Variants in TDRD9 observed in about 807,000 individuals in gnomAD.
The protein encoded by TDRD9 is ATP-dependent RNA helicase TDRD9.
Under a neutral mutation model 172.6 loss-of-function variants are expected in TDRD9, and 124 were observed. The observed-to-expected ratio is 0.72, with a 90% CI of 0.62 to 0.83. The LOEUF is 0.83. Ranked by LOEUF, TDRD9 falls within the 40% of genes least tolerant of loss-of-function variation. TDRD9 has a pLI of 0.00. For missense variants in TDRD9, 1,479 were observed against 1,714.1 expected (o/e 0.86, Z 2.42); for synonymous variants, 619 against 617.1 (o/e 1.00, Z -0.05).
intron 13 of TDRD9, among the ~76,000 whole-genome samples, chr14:104,001,060 T>C (rs1370260130): frequency 6.6e-6 from 1 of 152,240 alleles, no homozygotes; most frequent in African/African-American, 2.4e-5. Flanking sequence ...AGTGTAACAC[T>C]GTTAGACTAT....
intron 7 of TDRD9, among the ~76,000 whole-genome samples, chr14:103,982,520 G>A (rs1465284005): frequency 2.0e-5 from 3 of 152,154 alleles, no homozygotes; most frequent in African/African-American, 4.8e-5. Context: ...GTTCTGTGGT[G>A]GCATCCTGGT....
chr14:103,962,969 T>TGA, intron 2 of TDRD9, 110 bp from the exon 3 acceptor site: 1 of 576,474 alleles, frequency 1.7e-6, no homozygotes, highest in Non-Finnish European at 3.0e-6. Flanking sequence ...TATTTGAGTG[T>TGA]GTGTGTGTGT....
intron 2 of TDRD9, among the ~76,000 whole-genome samples, chr14:103,958,280 A>G (rs1288425936): frequency 6.6e-6 from 1 of 152,144 alleles, no homozygotes; most frequent in African/African-American, 2.4e-5. Context: ...AGTGGACCTT[A>G]CTGAGGCAGT....
Position 103,928,522 on chromosome 14 carries a change from CTCACCATCGAGCAGATCAACGACTGGT to C in TDRD9, c.23_49del (p.Glu8_Ile16del), listed in dbSNP as rs1451820718. On this transcript the variant is annotated inframe_deletion, in exon 1 of 36. Transcript: ENST00000409874. ...CTGGGCCTTGAGGATGCTGCGGAAG[CTCACCATCGAGCAGATCAACGACTGGT>C]TCACCATCGGCAAGACGGTGACCAA... 1.6e-5 allele frequency: 23 copies of C among 1,423,688 alleles called. No individual in the cohort carries two copies. Among genetic ancestry groups the C allele is most frequent in the Admixed American group, 2.8e-5 (1 of 36,218 alleles). 88.2% of individuals were successfully genotyped at this position (1,423,688 alleles called of 1,614,324 possible).
chr14:103,998,614 T>TA lies in TDRD9; in HGVS notation c.1379-7dup. On this transcript the variant is annotated splice_polypyrimidine_tract_variant and intron_variant, in intron 12 of 35. Transcript: ENST00000409874. ...GCATGGTGTTTACAGTCCTTTTTTT[T>TA]AAATGGCAGTTATAGATTTTTGTTT... 1.4e-6 allele frequency: 2 copies of TA among 1,476,806 alleles called. No homozygotes were observed. The highest frequency in any genetic ancestry group is 1.9e-6 in the Non-Finnish European group (2 of 1,056,646). The allele number at this position is 1,476,806 out of a possible 1,614,324, so 91.5% of individuals were successfully genotyped here. A position where few individuals can be genotyped will look rare whatever the true frequency, so the allele number is the denominator to read the frequency against.
At chr14:104,047,580 C>T (rs2035816668) in intron 34 of TDRD9, among the ~76,000 whole-genome samples, 1 of 152,148 alleles carries the variant, frequency 6.6e-6, no homozygotes, top group Non-Finnish European at 1.5e-5. Flanking sequence ...CTGCCTCGTG[C>T]CCGCTCTCTT....
intron 6 of TDRD9, among the ~76,000 whole-genome samples, chr14:103,971,548 CTTGCT>C: frequency 2.0e-5 from 3 of 152,084 alleles, no homozygotes; most frequent in East Asian, 3.9e-4. Flanking sequence ...AACTGATTTG[CTTGCT>C]TTGGTCTTCC....
At chr14:104,027,365 T>C (rs1264831797) in intron 28 of TDRD9, among the ~76,000 whole-genome samples, 1 of 152,130 alleles carries the variant, frequency 6.6e-6, no homozygotes, top group East Asian at 1.9e-4. Flanking sequence ...CTTTTTATCT[T>C]CTTAGGATAG....
chr14:103,928,540 A>G lies in TDRD9; in HGVS notation c.31A>G (p.Asn11Asp). 1 of 1,398,700 alleles carries G rather than the reference A, an allele frequency of 7.1e-7. No homozygotes were observed. The highest frequency in any genetic ancestry group is 9.4e-7 in the Non-Finnish European group (1 of 1,064,406). The allele number at this position is 1,398,700 out of a possible 1,614,324, so 86.6% of individuals were successfully genotyped here. ...GCGGAAGCTCACCATCGAGCAGATCAACGACTGGTTCACCATCGGCAAGAC... is the reference window on the plus strand; with the variant it reads ...GCGGAAGCTCACCATCGAGCAGATCGACGACTGGTTCACCATCGGCAAGAC... Reference protein sequence around the residue: MLRKLTIEQINDWFTIGKTVT... With the variant: MLRKLTIEQIDDWFTIGKTVT... Residue 11 changes from asparagine to aspartate, a missense_variant, in exon 1 of 36, where the codon AAC (asparagine) becomes GAC (aspartate). Transcript: ENST00000409874.
chr14:104,034,543 C>T (rs1171117025), intron 31 of TDRD9, among the ~76,000 whole-genome samples: 2 of 152,182 alleles, frequency 1.3e-5, no homozygotes, highest in Non-Finnish European at 2.9e-5. Context: ...TGCGAGGTTA[C>T]GCGGTGGAGC....
intron 6 of TDRD9, among the ~76,000 whole-genome samples, chr14:103,972,728 A>T (rs558932539): frequency 2.8e-4 from 42 of 152,358 alleles, no homozygotes; most frequent in African/African-American, 9.6e-4. Context: ...TTTGTTGAGG[A>T]AAACATTTCT....
chr14:104,009,861 G>A (rs1260152386), intron 20 of TDRD9, among the ~76,000 whole-genome samples: 1 of 151,962 alleles, frequency 6.6e-6, no homozygotes, highest in Non-Finnish European at 1.5e-5. Context: ...GACTTCCTGG[G>A]CTCAAGCAAT....
chr14:103,941,099 G>C, intron 1 of TDRD9: 1 of 1,532,120 alleles, frequency 6.5e-7, no homozygotes. Flanking sequence ...AAAACTTCTC[G>C]AAATCTAGAG....
At position 103,994,161 on chromosome 14, in the gene TDRD9, G is replaced by T. The variant is rs187812340; in HGVS notation, c.1181-171G>T. ...TATTTTTGAGTTACTACTAATCAATGTCACTGTGTACTTTTACTTGTGTTT... is the reference window on the plus strand; with the variant it reads ...TATTTTTGAGTTACTACTAATCAATTTCACTGTGTACTTTTACTTGTGTTT... On this transcript the variant is annotated intron_variant, in intron 9 of 35. Transcript: ENST00000409874. 9.2e-5 allele frequency among the ~76,000 whole-genome samples: 14 copies of T among 152,294 alleles called. No individual in the cohort carries two copies. In the East Asian group the frequency reaches 2.3e-3, roughly 25 times the overall value.
At chr14:103,952,790 G>A (rs1195714296) in intron 1 of TDRD9, among the ~76,000 whole-genome samples, 1 of 137,234 alleles carries the variant, frequency 7.3e-6, no homozygotes, top group Non-Finnish European at 1.5e-5. Context: ...CCAGGCTGGA[G>A]TGCAGTGGTG....
In TDRD9 at chr14:104,050,610, G is replaced by A. The variant is rs576220901; in HGVS notation, c.4047+930G>A. ...CTTGGAGGACTGTGTCCCATCCTGCGCCTCAAGGTTGCTCCTGCTGTGAGG... is the reference window on the plus strand; with the variant it reads ...CTTGGAGGACTGTGTCCCATCCTGCACCTCAAGGTTGCTCCTGCTGTGAGG... On this transcript the variant is annotated intron_variant, in intron 35 of 35. Transcript: ENST00000409874. Among the ~76,000 whole-genome samples the A allele has an allele frequency of 5.3e-5, 8 of 149,816 alleles. No individual in the cohort carries two copies. In the East Asian group the frequency reaches 9.7e-4, roughly 18 times the overall value.
rs1220434458 is a variant in TDRD9, at chr14:104,025,768, T to G, written c.2923T>G (p.Ser975Ala). 3 of 1,613,420 alleles carry G rather than the reference T, an allele frequency of 1.9e-6. No individual in the cohort carries two copies. The highest frequency in any genetic ancestry group is 2.5e-6 in the Non-Finnish European group (3 of 1,179,526). ...TCAAGTCCTTTATGTTTCTGGAAAT[T>G]CTGCTGAGGTAGGTTTTTCTGTAAC... is the stretch of plus-strand genomic sequence containing the variant. ...RAQVLYVSGN[S>A]AEVFFVDYGN... The change falls in exon 26 of 36, where the codon TCT becomes GCT. Residue 975 changes from serine (S) to alanine (A), a missense_variant. By Grantham distance (99) the Ser-to-Ala change is moderately conservative. Transcript: ENST00000409874.
chr14:103,963,022 G>A lies in TDRD9; in HGVS notation c.323-57G>A, dbSNP rs558889439. 4.8e-4 allele frequency: 466 copies of A among 972,472 alleles called. 7 individuals are homozygous for A. In the South Asian group the frequency reaches 5.3e-3, roughly 11 times the overall value. The allele number at this position is 972,472 out of a possible 1,614,324, so 60.2% of individuals were successfully genotyped here. A position where few individuals can be genotyped will look rare whatever the true frequency, so the allele number is the denominator to read the frequency against. ...CTGTATCTATAGATTAGAACATTGAGTTATCTTTTTCCAGATAAGAAATGG... is the reference window on the plus strand; with the variant it reads ...CTGTATCTATAGATTAGAACATTGAATTATCTTTTTCCAGATAAGAAATGG... On this transcript the variant is annotated intron_variant, in intron 2 of 35. Coordinates refer to ENST00000409874, the MANE Select transcript of TDRD9 (RefSeq NM_153046.3).
intron 1 of TDRD9, among the ~76,000 whole-genome samples, chr14:103,952,732 T>C (rs2031998953): frequency 8.1e-6 from 1 of 122,882 alleles, no homozygotes. Flanking sequence ...TCTCTCTCTT[T>C]TTTTTTTTTT....
Sources: gnomAD v4.1 joint callset for allele counts (sites outside exome capture counted in the v4.1 genomes callset) on GRCh38, gnomAD v4.1.1 for gene constraint, MANE v1.5 for transcripts, NCBI Gene and HGNC (gene_info 2026-07-23, HGNC 2026-07-21) for gene names.